Variants in GALNT13 observed in about 807,000 individuals in gnomAD.
GALNT13 encodes polypeptide N-acetylgalactosaminyltransferase 13.
GALNT13 carries 28 observed loss-of-function variants against 64.2 expected under a neutral mutation model. The ratio of observed to expected loss-of-function variants is 0.44; its 90% CI spans 0.32 to 0.60. The LOEUF (loss-of-function observed/expected upper bound fraction) is 0.60. Among genes scored for constraint, GALNT13 ranks in the 20% least tolerant of loss-of-function variants. The pLI, the probability that GALNT13 is intolerant of heterozygous loss-of-function variation, is 0.05. For synonymous variants in GALNT13, 214 were observed against 224.6 expected, an observed-to-expected ratio of 0.95 and a Z score of 0.42; for missense variants, 577 against 669.8, an observed-to-expected ratio of 0.86 and a Z score of 1.53.
chr2:153,394,991 T>C, the GALNT13 span, among the ~76,000 whole-genome samples: 2 of 152,256 alleles, frequency 1.3e-5, no homozygotes, highest in Admixed American at 1.3e-4. Context: ...CACAATTAAC[T>C]TCCTTGCAGT....
chr2:154,057,719 T>G (rs1699966856), intron 3 of GALNT13, among the ~76,000 whole-genome samples: 1 of 152,214 alleles, frequency 6.6e-6, no homozygotes, highest in Non-Finnish European at 1.5e-5. Context: ...GTGAAATGTC[T>G]GTATAGAAAT....
intron 4 of GALNT13, among the ~76,000 whole-genome samples, chr2:154,210,595 C>T (rs1687703879): frequency 6.6e-6 from 1 of 152,116 alleles, no homozygotes; most frequent in Admixed American, 6.6e-5. Flanking sequence ...TTACACAAAA[C>T]CTACAGGGTC....
chr2:153,070,869 A>T, the GALNT13 span, among the ~76,000 whole-genome samples: 1 of 152,170 alleles, frequency 6.6e-6, no homozygotes, highest in Non-Finnish European at 1.5e-5. Context: ...CTTTTCTTTA[A>T]TCTGAAATAT....
At chr2:154,157,899 T>C (rs1285657692) in intron 4 of GALNT13, among the ~76,000 whole-genome samples, 2 of 152,328 alleles carry the variant, frequency 1.3e-5, no homozygotes. Flanking sequence ...TTTAAGTCAC[T>C]ACACTGGAAT....
the GALNT13 span, among the ~76,000 whole-genome samples, chr2:153,269,079 A>C: frequency 1.3e-5 from 2 of 152,246 alleles, no homozygotes; most frequent in Admixed American, 1.3e-4. Flanking sequence ...TTACTTATGC[A>C]AATTTCTACA....
chr2:153,356,789 C>CTTTTTTTTTTTTTTTTTTTTTTTTT, the GALNT13 span, among the ~76,000 whole-genome samples: 6 of 104,904 alleles, frequency 5.7e-5, 3 homozygotes, highest in African/African-American at 8.8e-5. Flanking sequence ...TCTTCTTCCT[C>CTTTTTTTTTTTTTTTTTTTTTTTTT]TTTTTTTTTT....
the GALNT13 span, among the ~76,000 whole-genome samples, chr2:153,403,108 T>C: frequency 2.6e-5 from 4 of 151,772 alleles, no homozygotes; most frequent in Non-Finnish European, 5.9e-5. Flanking sequence ...GGGTTTTTGG[T>C]GTGGATGTCC....
At chr2:153,369,463 CAAAGG>C in the GALNT13 span, among the ~76,000 whole-genome samples, 5 of 151,954 alleles carry the variant, frequency 3.3e-5, no homozygotes, top group East Asian at 9.6e-4. Flanking sequence ...ATATCAGAAA[CAAAGG>C]AGAAAATATC....
chr2:153,214,166 CA>C, the GALNT13 span, among the ~76,000 whole-genome samples: 1 of 151,946 alleles, frequency 6.6e-6, no homozygotes, highest in Non-Finnish European at 1.5e-5. Context: ...AAGAATTTTG[CA>C]AAATGTTGGA....
chr2:153,579,063 A>T, the GALNT13 span, among the ~76,000 whole-genome samples: 1 of 152,226 alleles, frequency 6.6e-6, no homozygotes, highest in Non-Finnish European at 1.5e-5. Context: ...ATTGGTTTGT[A>T]TTGCGGAAAA....
the GALNT13 span, among the ~76,000 whole-genome samples, chr2:153,180,919 G>A: frequency 1.1e-4 from 16 of 151,006 alleles, no homozygotes; most frequent in Non-Finnish European, 1.6e-4. Context: ...TTTCTTAGTC[G>A]AGCTAAAGGT....
chr2:153,285,684 A>T, the GALNT13 span, among the ~76,000 whole-genome samples: 1 of 152,176 alleles, frequency 6.6e-6, no homozygotes, highest in African/African-American at 2.4e-5. Flanking sequence ...TCCATATCAT[A>T]CTAAATGTCA....
chr2:153,964,073 T>C (rs904505083), intron 3 of GALNT13, among the ~76,000 whole-genome samples: 2 of 152,194 alleles, frequency 1.3e-5, no homozygotes, highest in Non-Finnish European at 2.9e-5. Flanking sequence ...TTCCTTTTTT[T>C]TCCCCCCCAA....
the GALNT13 span, among the ~76,000 whole-genome samples, chr2:153,484,222 C>T: frequency 6.6e-6 from 1 of 152,084 alleles, no homozygotes. Context: ...TTGAACATAG[C>T]CATGACTATA....
At chr2:153,666,762 C>T in the GALNT13 span, among the ~76,000 whole-genome samples, 1 of 152,170 alleles carries the variant, frequency 6.6e-6, no homozygotes, top group Non-Finnish European at 1.5e-5. Flanking sequence ...GCCAGAGTGT[C>T]TCCTTACCTC....
the GALNT13 span, among the ~76,000 whole-genome samples, chr2:153,306,012 C>A: frequency 6.6e-6 from 1 of 152,194 alleles, no homozygotes; most frequent in African/African-American, 2.4e-5. Flanking sequence ...AGGAGTGGAG[C>A]ACCCAGTCGA....
the GALNT13 span, among the ~76,000 whole-genome samples, chr2:153,181,692 T>C: frequency 5.1e-3 from 741 of 145,840 alleles, 6 homozygotes; most frequent in South Asian, 0.011. Context: ...TATATTTATA[T>C]AATTATATTA....
chr2:153,624,943 C>T, the GALNT13 span, among the ~76,000 whole-genome samples: 4 of 151,580 alleles, frequency 2.6e-5, no homozygotes, highest in Non-Finnish European at 4.4e-5. Context: ...ACAATACTGG[C>T]GTTTTGAGTT....
chr2:153,964,169 C>T (rs940954164), intron 3 of GALNT13, among the ~76,000 whole-genome samples: 14 of 152,062 alleles, frequency 9.2e-5, no homozygotes, highest in East Asian at 3.9e-4. Flanking sequence ...CATTTTTGGC[C>T]GGGTCCTAGT....
Sources: gnomAD v4.1 joint callset for allele counts (sites outside exome capture counted in the v4.1 genomes callset) on GRCh38, gnomAD v4.1.1 for gene constraint, MANE v1.5 for transcripts, NCBI Gene and HGNC (gene_info 2026-07-23, HGNC 2026-07-21) for gene names.